The following EGFLAM variants were observed in gnomAD, a reference collection of about 807,000 sequenced individuals.
EGFLAM encodes the protein pikachurin.
EGFLAM carries 79 observed loss-of-function variants against 113.1 expected under a neutral mutation model. The ratio of observed to expected loss-of-function variants is 0.70; its 90% CI spans 0.58 to 0.84. The LOEUF (loss-of-function observed/expected upper bound fraction) is 0.84. EGFLAM is among the 40% of genes least tolerant of loss of function. The pLI, the probability that EGFLAM is intolerant of heterozygous loss-of-function variation, is 0.00. For synonymous variants in EGFLAM, 504 were observed against 487.6 expected (o/e 1.03, Z -0.44); for missense variants, 1,265 against 1,291.6 (o/e 0.98, Z 0.32).
intron 1 of EGFLAM, among the ~76,000 whole-genome samples, chr5:38,312,857 G>T (rs1446851239): frequency 6.6e-6 from 1 of 152,290 alleles, no homozygotes; most frequent in East Asian, 1.9e-4. Flanking sequence ...GGAGGTGGAG[G>T]TGGGTGGATC....
chr5:38,263,983 C>T (rs929869504), intron 1 of EGFLAM, among the ~76,000 whole-genome samples: 8 of 152,134 alleles, frequency 5.3e-5, no homozygotes, highest in African/African-American at 1.9e-4. Flanking sequence ...CATTCCTATG[C>T]AGTAGATAGG....
rs1206856012 is a variant in EGFLAM, at chr5:38,448,215, AG to A, written c.2465-85del. The A allele has an allele frequency of 1.3e-5, 17 of 1,357,056 alleles. No homozygotes were observed. The East Asian group carries it at 3.7e-4, about 29-fold the overall frequency. The allele number at this position is 1,357,056 out of a possible 1,614,324, so 84.1% of individuals were successfully genotyped here. On this transcript the variant is annotated intron_variant, in intron 17 of 21. Transcript: ENST00000322350. The stretch of plus-strand genomic sequence containing the variant: ...AATTGTTAAACATCCTATTTCCAGG[AG>A]CTGGGTGTTTTCCTGCCATGTGTGT...
intron 12 of EGFLAM, among the ~76,000 whole-genome samples, chr5:38,421,091 G>A (rs1423531230): frequency 1.3e-5 from 2 of 152,142 alleles, no homozygotes; most frequent in Non-Finnish European, 2.9e-5. Context: ...CACCAGGGAG[G>A]TCATGGTTCT....
Position 38,412,573 on chromosome 5 carries a change from G to A in EGFLAM, c.1419G>A (p.Thr473=), listed in dbSNP as rs149895906. The change falls in exon 11 of 22, where the codon ACG becomes ACA. Residue 473 remains threonine, a synonymous_variant. Transcript: ENST00000322350. ...AAATCAAACTAGGGGGTTGGCACAC[G>A]GTTATGCTCTACAGAGATGGGCTGA... is the stretch of plus-strand genomic sequence containing the variant. ...ETKIKLGGWH[T]VMLYRDGLNG... is the part of the protein sequence containing the mutation. 92 of 1,614,026 alleles carry A rather than the reference G, an allele frequency of 5.7e-5. No individual in the cohort carries two copies. The highest frequency in any genetic ancestry group is 7.2e-5 in the Non-Finnish European group (85 of 1,180,040).
intron 19 of EGFLAM, 40 bp downstream of exon 19, chr5:38,451,498 T>C: frequency 6.2e-7 from 1 of 1,601,656 alleles, no homozygotes; most frequent in Non-Finnish European, 8.5e-7. Context: ...CACCTTGCGA[T>C]TTTCTCAGAC....
At chr5:38,450,316 C>T (rs887314118) in intron 18 of EGFLAM, among the ~76,000 whole-genome samples, 2 of 152,186 alleles carry the variant, frequency 1.3e-5, no homozygotes, top group Non-Finnish European at 2.9e-5. Flanking sequence ...GGGCCTCGCT[C>T]TTCCCTCACT....
intron 1 of EGFLAM, among the ~76,000 whole-genome samples, chr5:38,307,686 T>G (rs932253435): frequency 8.5e-5 from 13 of 152,246 alleles, no homozygotes; most frequent in African/African-American, 3.1e-4. Flanking sequence ...AAAAAATTGC[T>G]GCTGTTTTTC....
At chr5:38,380,630 T>C (rs977527237) in intron 6 of EGFLAM, among the ~76,000 whole-genome samples, 14 of 152,246 alleles carry the variant, frequency 9.2e-5, no homozygotes, top group African/African-American at 3.4e-4. Flanking sequence ...ATTTTCAGTT[T>C]GCATTTGAGC....
At chr5:38,428,679 C>A (rs1286800622) in intron 14 of EGFLAM, among the ~76,000 whole-genome samples, 5 of 152,342 alleles carry the variant, frequency 3.3e-5, no homozygotes, top group Admixed American at 6.5e-5. Flanking sequence ...CAGACTACCC[C>A]CTCCACACTG....
At chr5:38,437,975 A>T (rs1326229564) in intron 16 of EGFLAM, among the ~76,000 whole-genome samples, 1 of 152,046 alleles carries the variant, frequency 6.6e-6, no homozygotes, top group Non-Finnish European at 1.5e-5. Context: ...AACAAAAATT[A>T]GCCGGGCGTA....
intron 1 of EGFLAM, among the ~76,000 whole-genome samples, chr5:38,278,617 T>C (rs1757943565): frequency 6.6e-6 from 1 of 151,830 alleles, no homozygotes; most frequent in Non-Finnish European, 1.5e-5. Context: ...GCCTCCCGAG[T>C]AGCTGGGATT....
rs146362851 is a variant in EGFLAM at position 38,381,450 on chromosome 5, T to C, written c.712+10988T>C. Among the ~76,000 whole-genome samples the C allele has an allele frequency of 1.4e-3, 215 of 152,236 alleles. 4 individuals are homozygous for C. In the South Asian group the frequency reaches 0.025, roughly 18 times the overall value. On this transcript the variant is annotated intron_variant, in intron 6 of 21. Transcript: ENST00000322350. ...CGAATACGAAACACTTATGTACAAA[T>C]ATAAATGAGAAGCAACTGCAGGAGA...
Position 38,451,513 on chromosome 5 carries a change from C to A in EGFLAM, c.2687+55C>A, listed in dbSNP as rs1579951929. ...CACCTTGCGATTTTCTCAGACATTG[C>A]AGATCATGCCAGAGTGATTCAGAAG... On this transcript the variant is annotated intron_variant, in intron 19 of 21. Coordinates refer to ENST00000322350, the MANE Select transcript of EGFLAM (RefSeq NM_152403.4). 3.3e-5 allele frequency: 52 copies of A among 1,587,082 alleles called. No homozygotes were observed. In the East Asian group the frequency reaches 1.2e-3, roughly 36 times the overall value.
At chr5:38,369,273 T>C (rs916269321) in intron 5 of EGFLAM, among the ~76,000 whole-genome samples, 2 of 152,248 alleles carry the variant, frequency 1.3e-5, no homozygotes, top group African/African-American at 4.8e-5. Flanking sequence ...TTTGAACATA[T>C]AACCCATATA....
rs767907492 is a variant in EGFLAM, at chr5:38,350,533, T to C, written c.324T>C (p.Thr108=). The C allele has an allele frequency of 8.1e-6, 13 of 1,613,838 alleles. No individual in the cohort carries two copies. Among genetic ancestry groups the C allele is most frequent in the Admixed American group, 3.3e-5 (2 of 59,980 alleles). ...EEVIGDLKPG[T]EYRVSIAAYS... is the part of the protein sequence containing the mutation. ...TGATTGGAGATTTGAAACCAGGCAC[T>C]GAATATCGTGTGAGCATAGCAGCTT... is the stretch of plus-strand genomic sequence containing the variant. The change falls in exon 4 of 22, where the codon ACT becomes ACC. Residue 108 remains threonine, a synonymous_variant. Transcript: ENST00000322350.
At chr5:38,435,376 T>A in intron 16 of EGFLAM, 123 bp downstream of exon 16, 3 of 757,198 alleles carry the variant, frequency 4.0e-6, no homozygotes, top group Admixed American at 2.5e-5. Context: ...TTAACATTTT[T>A]AAAAATTTCT....
At position 38,407,831 on chromosome 5, in the gene EGFLAM, T is replaced by C. The variant is rs1164850305; in HGVS notation, c.1174T>C (p.Phe392Leu). 6.2e-7 allele frequency: 1 copy of C among 1,613,482 alleles called. No homozygotes were observed. Among genetic ancestry groups the C allele is most frequent in the Non-Finnish European group, 8.5e-7 (1 of 1,179,536 alleles). The change falls in exon 9 of 22, where the codon TTT (phenylalanine) becomes CTT (leucine). Residue 392 changes from phenylalanine to leucine, a missense_variant. Coordinates refer to ENST00000322350, the MANE Select transcript of EGFLAM (RefSeq NM_152403.4). ...TATTGTTATCCAGTATCCTCAGTTC[T>C]TTGGCCACTCCTATGTAACGTTTGA... is the stretch of plus-strand genomic sequence containing the variant. The part of the protein sequence containing the change: ...EDIVIQYPQF[F>L]GHSYVTFEPL...
intron 14 of EGFLAM, chr5:38,427,506 G>T: frequency 2.1e-6 from 1 of 474,966 alleles, no homozygotes; most frequent in Non-Finnish European, 3.6e-6. Context: ...TCAAACTATG[G>T]AAAATGGACT....
chr5:38,410,918 A>T (rs1741457364), intron 10 of EGFLAM, among the ~76,000 whole-genome samples: 1 of 152,218 alleles, frequency 6.6e-6, no homozygotes, highest in African/African-American at 2.4e-5. Context: ...AAATCCCTGG[A>T]AACACAGTGA....
Sources: gnomAD v4.1 joint callset for allele counts (sites outside exome capture counted in the v4.1 genomes callset) on GRCh38, gnomAD v4.1.1 for gene constraint, MANE v1.5 for transcripts, NCBI Gene and HGNC (gene_info 2026-07-23, HGNC 2026-07-21) for gene names.